The following CTIF variants were observed in gnomAD, a reference collection of about 807,000 sequenced individuals.
The protein encoded by CTIF is cap binding complex dependent translation initiation factor, also known as CBP80/20-dependent translation initiation factor.
In CTIF, 21 loss-of-function variants were observed where a neutral mutation model predicts 66.0. The ratio of observed to expected loss-of-function variants is 0.32; its 90% CI spans 0.23 to 0.46. CTIF has a LOEUF of 0.46. Ranked by LOEUF, CTIF falls within the 20% of genes least tolerant of loss-of-function variation. The probability of loss-of-function intolerance (pLI) is 1.00; values close to 1 mark genes in which losing one functional copy is unlikely to be tolerated. For missense variants in CTIF, 739 were observed against 812.7 expected, an observed-to-expected ratio of 0.91 and a Z score of 1.10; for synonymous variants, 345 against 326.4, an observed-to-expected ratio of 1.06 and a Z score of -0.62.
At chr18:48,618,281 G>T (rs61467498) in intron 1 of CTIF, among the ~76,000 whole-genome samples, 2 of 152,182 alleles carry the variant, frequency 1.3e-5, no homozygotes, top group East Asian at 1.9e-4. Flanking sequence ...CTAGGACCTC[G>T]CCTTTATTAC....
At chr18:48,658,385 C>A (rs1437449595) in intron 3 of CTIF, among the ~76,000 whole-genome samples, 1 of 150,808 alleles carries the variant, frequency 6.6e-6, no homozygotes, top group Non-Finnish European at 1.5e-5. Context: ...TACATGTATA[C>A]CACATGTATA....
At chr18:48,845,018 C>A (rs1047272781) in intron 10 of CTIF, among the ~76,000 whole-genome samples, 3 of 152,182 alleles carry the variant, frequency 2.0e-5, no homozygotes, top group African/African-American at 7.2e-5. Context: ...ACTTTAACCA[C>A]ACCAGATTCC....
At chr18:48,717,262 G>A (rs373634075) in intron 7 of CTIF, among the ~76,000 whole-genome samples, 17 of 152,210 alleles carry the variant, frequency 1.1e-4, no homozygotes, top group African/African-American at 4.1e-4. Context: ...AGCCGAGCGT[G>A]GTGGTGCAGC....
rs183796408 is a variant in CTIF at position 48,644,767 on chromosome 18, T to C, written c.252+8082T>C. Among the ~76,000 whole-genome samples the C allele has an allele frequency of 1.5e-3, 225 of 152,296 alleles. 1 individual carries two copies. The highest frequency in any genetic ancestry group is 5.4e-3 in the African/African-American group (223 of 41,554). On this transcript the variant is annotated intron_variant, in intron 3 of 11. Coordinates refer to ENST00000256413, the MANE Select transcript of CTIF (RefSeq NM_014772.3). Reference sequence around the variant, plus strand: ...CATGTGAGTATGGGGAGGAGTAGGCTGGTGTCCGCACAGGGCCTTGCATTG... The same window carrying C: ...CATGTGAGTATGGGGAGGAGTAGGCCGGTGTCCGCACAGGGCCTTGCATTG...
intron 5 of CTIF, among the ~76,000 whole-genome samples, chr18:48,665,446 C>T (rs1029747802): frequency 4.0e-5 from 6 of 150,916 alleles, no homozygotes; most frequent in Admixed American, 1.3e-4. Context: ...ATGGCTGCTC[C>T]TTCTTTTATA....
rs141250767 is a variant in CTIF, at chr18:48,837,937, G to A, written c.1528-19651G>A. 7.4e-3 allele frequency among the ~76,000 whole-genome samples: 1,123 copies of A among 152,296 alleles called. 11 individuals are homozygous for A. Among genetic ancestry groups the A allele is most frequent in the Middle Eastern group, 0.031 (9 of 294 alleles). ...CCCTCCCTGGTGGGAAGGGAGTGGG[G>A]CTGTCTCTGGAACTCTGATTTGGTT... On this transcript the variant is annotated intron_variant, in intron 10 of 11. Transcript: ENST00000256413.
intron 10 of CTIF, among the ~76,000 whole-genome samples, chr18:48,855,328 T>G: frequency 6.6e-6 from 1 of 152,260 alleles, no homozygotes; most frequent in East Asian, 1.9e-4. Context: ...TAGTATATTT[T>G]CATTCATTCC....
At position 48,625,719 on chromosome 18, in the gene CTIF, G is replaced by C. The variant is rs191837862; in HGVS notation, c.180+5974G>C. ...CTGTGTTCCGTTTAGTGGCTGCCCA[G>C]TTGTCCATAGCATGGATTTATTTAA... is the stretch of plus-strand genomic sequence containing the variant. On this transcript the variant is annotated intron_variant, in intron 2 of 11. Transcript: ENST00000256413. Among the ~76,000 whole-genome samples, 144 of 152,276 alleles carry C rather than the reference G, an allele frequency of 9.5e-4. 1 individual carries two copies. The highest frequency in any genetic ancestry group is 3.1e-3 in the African/African-American group (130 of 41,546).
intron 1 of CTIF, among the ~76,000 whole-genome samples, chr18:48,553,353 C>G (rs978839852): frequency 1.3e-5 from 2 of 152,200 alleles, no homozygotes; most frequent in Non-Finnish European, 2.9e-5. Context: ...GCGTGGCAAG[C>G]CTTGGAGGCC....
chr18:48,769,105 TCTC>T (rs974148818), intron 9 of CTIF, among the ~76,000 whole-genome samples: 52 of 152,186 alleles, frequency 3.4e-4, no homozygotes, highest in African/African-American at 1.2e-3. Context: ...CCAGTTCCCA[TCTC>T]CTCCTTGCAT....
rs534633741 is a variant in CTIF, at chr18:48,846,617, G to A, written c.1528-10971G>A. On this transcript the variant is annotated intron_variant, in intron 10 of 11. Transcript: ENST00000256413. The stretch of plus-strand genomic sequence containing the variant: ...TGGATGAATGGATGGATGGATGGAT[G>A]AGTAGGTGAGTAGATAGATGGATGA... 1.4e-4 allele frequency among the ~76,000 whole-genome samples: 22 copies of A among 151,776 alleles called. No homozygotes were observed. The South Asian group carries it at 4.4e-3, about 30-fold the overall frequency.
chr18:48,683,358 C>T lies in CTIF; in HGVS notation c.507+12614C>T, dbSNP rs181555283. ...AAATGACGGCCTGTCCCTTGGACCCCTGCTTGCAGTGAGACCACTGTCCCT... is the reference window on the plus strand; with the variant it reads ...AAATGACGGCCTGTCCCTTGGACCCTTGCTTGCAGTGAGACCACTGTCCCT... On this transcript the variant is annotated intron_variant, in intron 6 of 11. Coordinates refer to ENST00000256413, the MANE Select transcript of CTIF (RefSeq NM_014772.3). 1.0e-4 allele frequency among the ~76,000 whole-genome samples: 15 copies of T among 150,162 alleles called. No homozygotes were observed. In the East Asian group the frequency reaches 2.9e-3, roughly 29 times the overall value.
At position 48,860,069 on chromosome 18, in the gene CTIF, A is replaced by T; in HGVS notation, c.*510A>T. ...CGACGTGTAGCAGATGTCCGGGAGG[A>T]CAAAGGCAGGCACGGTCCCCACCAG... On this transcript the variant is annotated 3_prime_UTR_variant, in exon 12 of 12. Coordinates refer to ENST00000256413, the MANE Select transcript of CTIF (RefSeq NM_014772.3). 1 of 409,674 alleles carries T rather than the reference A, an allele frequency of 2.4e-6. No individual in the cohort carries two copies. The highest frequency in any genetic ancestry group is 5.0e-6 in the Non-Finnish European group (1 of 200,128). The allele number at this position is 409,674 out of a possible 1,614,324, so 25.4% of individuals were successfully genotyped here.
In CTIF at chr18:48,761,704, G is replaced by A; in HGVS notation, c.1371+15G>A. 2 of 1,598,352 alleles carry A rather than the reference G, an allele frequency of 1.3e-6. No individual in the cohort carries two copies. The highest frequency in any genetic ancestry group is 1.7e-6 in the Non-Finnish European group (2 of 1,169,050). On this transcript the variant is annotated intron_variant, in intron 9 of 11. Transcript: ENST00000256413. This position sits in a 1 kb window ranked among gnomAD's most constrained non-coding sequence, Gnocchi z 4.2. ...ACATGCTGCAGGTAACTGGACGCCGGCCACCACCGCCCCGCGCCCCCTGCC... is the reference window on the plus strand; with the variant it reads ...ACATGCTGCAGGTAACTGGACGCCGACCACCACCGCCCCGCGCCCCCTGCC...
At chr18:48,589,607 T>A (rs896279851) in intron 1 of CTIF, among the ~76,000 whole-genome samples, 3 of 152,220 alleles carry the variant, frequency 2.0e-5, no homozygotes, top group Admixed American at 2.0e-4. Context: ...ATGTCACTTG[T>A]TTTTGTGGTG....
intron 6 of CTIF, among the ~76,000 whole-genome samples, chr18:48,692,833 G>C (rs980174765): frequency 6.6e-6 from 1 of 152,202 alleles, no homozygotes; most frequent in Non-Finnish European, 1.5e-5. Context: ...TTAGCATGGA[G>C]CTTGACCCAG....
At chr18:48,714,994 C>T (rs1308876100) in intron 7 of CTIF, among the ~76,000 whole-genome samples, 1 of 152,186 alleles carries the variant, frequency 6.6e-6, no homozygotes, top group Non-Finnish European at 1.5e-5. Context: ...CAGGTGTCTG[C>T]AGTGAGCGGG....
intron 1 of CTIF, among the ~76,000 whole-genome samples, chr18:48,582,482 T>G (rs2089681214): frequency 6.6e-6 from 1 of 152,140 alleles, no homozygotes; most frequent in South Asian, 2.1e-4. Flanking sequence ...GCGTCTTTGT[T>G]GCCTGCATAG....
At chr18:48,639,810 A>C (rs1568095775) in intron 3 of CTIF, among the ~76,000 whole-genome samples, 1 of 152,086 alleles carries the variant, frequency 6.6e-6, no homozygotes, top group Non-Finnish European at 1.5e-5. Context: ...GCCCTTGGCC[A>C]CGTGGCCCAT....
Sources: allele counts gnomAD v4.1 joint callset (sites outside exome capture counted in the v4.1 genomes callset), GRCh38; gene constraint gnomAD v4.1.1; non-coding constraint Gnocchi (gnomAD v3.1); transcripts MANE v1.5; gene names NCBI Gene and HGNC (gene_info 2026-07-23, HGNC 2026-07-21).